Variants in CNBD2 observed in about 807,000 individuals in gnomAD.
The protein encoded by CNBD2 is cyclic nucleotide-binding domain-containing protein 2.
In CNBD2, 64 loss-of-function variants were observed where a neutral mutation model predicts 63.7. The ratio of observed to expected loss-of-function variants is 1.00; its 90% CI spans 0.82 to 1.24. The LOEUF is 1.24. Among genes scored for constraint, CNBD2 ranks in the 50% most tolerant of loss-of-function variants. The pLI, the probability that CNBD2 is intolerant of heterozygous loss-of-function variation, is 0.00. For missense variants in CNBD2, 691 were observed against 713.5 expected (o/e 0.97, Z 0.36); for synonymous variants, 229 against 255.4 (o/e 0.90, Z 0.99).
At chr20:35,967,612 G>A (rs533977841), upstream of CNBD2, among the ~76,000 whole-genome samples, 1 of 151,738 alleles carries the variant, frequency 6.6e-6, no homozygotes, top group South Asian at 2.1e-4. Flanking sequence ...CGGCACTTTG[G>A]GAGGCTGAGG....
In CNBD2 at chr20:36,008,451, C is replaced by T. The variant is rs1442660683; in HGVS notation, c.1125C>T (p.Pro375=). The change falls in exon 9 of 12, where the codon CCC becomes CCT. Residue 375 remains proline, a synonymous_variant. Coordinates refer to ENST00000373973, the MANE Select transcript of CNBD2 (RefSeq NM_001365709.1). The part of the protein sequence containing the change: ...RKIRTSGDTL[P]KMLGPKIQSR... ...TCAGAACCTCAGGAGACACTCTCCC[C>T]AAGATGCTGGGCCCGAAGATCCAGT... 1.2e-6 allele frequency: 2 copies of T among 1,612,084 alleles called. No individual in the cohort carries two copies. Among genetic ancestry groups the T allele is most frequent in the South Asian group, 1.1e-5 (1 of 90,696 alleles).
rs2056477932 is a variant in CNBD2 at position 35,974,862 on chromosome 20, C to T, written c.190-1087C>T. On this transcript the variant is annotated intron_variant, in intron 2 of 11. Transcript: ENST00000373973. ...AAGTTCCTTCACCATCTCAGTCCTA[C>T]ATGGAGCTTAATAAAACCTGCTTTG... The T allele has an allele frequency of 5.3e-5, 8 of 152,342 alleles. No homozygotes were observed. The South Asian group carries it at 1.7e-3, about 32-fold the overall frequency. 9.4% of individuals were successfully genotyped at this position (152,342 alleles called of 1,614,324 possible). A position where few individuals can be genotyped will look rare whatever the true frequency, so the allele number is the denominator to read the frequency against.
At chr20:36,024,100 C>A (rs1399417896) in intron 11 of CNBD2, among the ~76,000 whole-genome samples, 2 of 152,204 alleles carry the variant, frequency 1.3e-5, no homozygotes, top group Non-Finnish European at 2.9e-5. Flanking sequence ...CTTTGGGAAG[C>A]TGAGGCAGGC....
chr20:35,972,436 G>T (rs764612108), intron 1 of CNBD2, among the ~76,000 whole-genome samples, 193 bp from the exon 2 acceptor site: 35 of 152,234 alleles, frequency 2.3e-4, no homozygotes, highest in Non-Finnish European at 4.6e-4. Context: ...TCCTACCATG[G>T]CCAGTTTTAA....
intron 8 of CNBD2, 135 bp downstream of exon 8, chr20:35,995,287 G>A: frequency 1.8e-6 from 1 of 566,882 alleles, no homozygotes; most frequent in Non-Finnish European, 3.1e-6. Flanking sequence ...TACCAGCGGT[G>A]GAAACCCAGT....
At chr20:35,954,560 C>T, upstream of CNBD2, 2 of 1,480,756 alleles carry the variant, frequency 1.4e-6, no homozygotes, top group South Asian at 1.2e-5. Flanking sequence ...AAGCGGCGCC[C>T]TCTAGCGTTC....
rs1053552409 is a variant in CNBD2 at position 35,978,625 on chromosome 20, A to T, written c.244-1834A>T. ...TCCCAAAGTGCTGGGATTATAGGCA[A>T]GAGCCACCGTGCCCGGCCCAATGCC... On this transcript the variant is annotated intron_variant, in intron 3 of 11. Coordinates refer to ENST00000373973, the MANE Select transcript of CNBD2 (RefSeq NM_001365709.1). 4.0e-5 allele frequency among the ~76,000 whole-genome samples: 6 copies of T among 151,822 alleles called. No individual in the cohort carries two copies. In the East Asian group the frequency reaches 5.8e-4, roughly 15 times the overall value.
intron 3 of CNBD2, among the ~76,000 whole-genome samples, 166 bp from the exon 4 acceptor site, chr20:35,980,293 G>A (rs187666475): frequency 3.3e-5 from 5 of 152,188 alleles, no homozygotes; most frequent in African/African-American, 4.8e-5. Flanking sequence ...TGAGATGGGC[G>A]TGTAAAATGT....
At chr20:36,008,232 C>T in intron 8 of CNBD2, 65 bp from the exon 9 acceptor site, 1 of 1,353,456 alleles carries the variant, frequency 7.4e-7, no homozygotes, top group Non-Finnish European at 1.0e-6. Flanking sequence ...GCTTCAACTA[C>T]TACCACCATA....
At chr20:35,996,795 A>G (rs1374966688) in intron 8 of CNBD2, among the ~76,000 whole-genome samples, 1 of 152,162 alleles carries the variant, frequency 6.6e-6, no homozygotes, top group African/African-American at 2.4e-5. Flanking sequence ...GGCATGAGCC[A>G]CCGCACCTGG....
chr20:36,020,916 C>G (rs1391887508), intron 10 of CNBD2, among the ~76,000 whole-genome samples: 1 of 152,306 alleles, frequency 6.6e-6, no homozygotes, highest in Non-Finnish European at 1.5e-5. Flanking sequence ...CAAAGAGAGA[C>G]AAAGCCAGGG....
intron 8 of CNBD2, among the ~76,000 whole-genome samples, chr20:36,006,155 A>C (rs1233923288): frequency 6.7e-6 from 1 of 150,288 alleles, no homozygotes. Context: ...CAGCCTCTGG[A>C]GTAGCTGGGA....
chr20:35,982,074 G>A lies in CNBD2; in HGVS notation c.407+1452G>A, dbSNP rs560605907. On this transcript the variant is annotated intron_variant, in intron 4 of 11. Transcript: ENST00000373973. ...CATGGACAAACTGATGGAACAAAGT[G>A]GGTATCATCTGCCCTGAGCAGGGTG... 3.9e-5 allele frequency among the ~76,000 whole-genome samples: 6 copies of A among 152,294 alleles called. No individual in the cohort carries two copies. The South Asian group carries it at 1.2e-3, about 32-fold the overall frequency.
intron 10 of CNBD2, among the ~76,000 whole-genome samples, chr20:36,023,240 G>C (rs530255650): frequency 6.6e-6 from 1 of 152,126 alleles, no homozygotes; most frequent in Admixed American, 6.6e-5. Flanking sequence ...AAATCTGTGG[G>C]TAGGCTGGGC....
At chr20:35,996,231 A>G (rs1012079219) in intron 8 of CNBD2, among the ~76,000 whole-genome samples, 1 of 152,206 alleles carries the variant, frequency 6.6e-6, no homozygotes, top group Non-Finnish European at 1.5e-5. Flanking sequence ...TATAAGCTCT[A>G]TGAAGGCTTT....
chr20:35,985,180 T>C (rs1480910211), intron 6 of CNBD2, among the ~76,000 whole-genome samples: 1 of 151,944 alleles, frequency 6.6e-6, no homozygotes, highest in African/African-American at 2.4e-5. Flanking sequence ...ATACCTATAG[T>C]TTCAGCTACT....
intron 7 of CNBD2, among the ~76,000 whole-genome samples, chr20:35,992,837 A>T (rs1415873056): frequency 7.2e-6 from 1 of 138,154 alleles, no homozygotes; most frequent in Non-Finnish European, 1.5e-5. Flanking sequence ...CTGCCTGGCC[A>T]GCGTTTTTTG....
Position 35,984,742 on chromosome 20 carries a change from T to C in CNBD2, c.680T>C (p.Val227Ala). The change falls in exon 6 of 12, where the codon GTT becomes GCT. Residue 227 changes from valine to alanine, a missense_variant. Transcript: ENST00000373973. ...TTTGCTAATAAGCTGGACCAGGAAGTTCAGAAGGATGCTCAGTATCGGTTT... is the reference window on the plus strand; with the variant it reads ...TTTGCTAATAAGCTGGACCAGGAAGCTCAGAAGGATGCTCAGTATCGGTTT... Reference protein sequence around the residue: ...DFFANKLDQEVQKDAQYRFEF... With the variant: ...DFFANKLDQEAQKDAQYRFEF... 6.2e-7 allele frequency: 1 copy of C among 1,614,218 alleles called. No homozygotes were observed. The highest frequency in any genetic ancestry group is 8.5e-7 in the Non-Finnish European group (1 of 1,180,034).
chr20:36,004,813 T>A (rs2056962899), intron 8 of CNBD2, among the ~76,000 whole-genome samples: 1 of 152,118 alleles, frequency 6.6e-6, no homozygotes, highest in African/African-American at 2.4e-5. Flanking sequence ...TCTTCCCACC[T>A]CAGCCTCCCA....
Sources: allele counts gnomAD v4.1 joint callset (sites outside exome capture counted in the v4.1 genomes callset), GRCh38; gene constraint gnomAD v4.1.1; transcripts MANE v1.5; gene names NCBI Gene and HGNC (gene_info 2026-07-23, HGNC 2026-07-21).